SSUH2: variants seen among roughly 807,000 people sequenced by gnomAD.
SSUH2 encodes the protein ssu-2 homolog.
Under a neutral mutation model 55.3 loss-of-function variants are expected in SSUH2, and 47 were observed. The ratio of observed to expected loss-of-function variants is 0.85; its 90% confidence interval spans 0.67 to 1.08. The LOEUF is 1.08. Ranked by LOEUF, SSUH2 falls within the 50% of genes least tolerant of loss-of-function variation. The probability of loss-of-function intolerance (pLI) is 0.00; values close to 1 mark genes in which losing one functional copy is unlikely to be tolerated. For missense variants in SSUH2, 535 were observed against 490.7 expected, an observed-to-expected ratio of 1.09 and a Z score of -0.85; for synonymous variants, 212 against 191.5, an observed-to-expected ratio of 1.11 and a Z score of -0.89.
chr3:8,637,043 C>G (rs1167650698), intron 1 of SSUH2, among the ~76,000 whole-genome samples: 2 of 152,178 alleles, frequency 1.3e-5, no homozygotes, highest in Non-Finnish European at 2.9e-5. Context: ...GTACAAAAGC[C>G]ATATGCATTC....
intron 7 of SSUH2, among the ~76,000 whole-genome samples, chr3:8,654,822 C>T (rs1263885965): frequency 1.3e-5 from 2 of 151,656 alleles, no homozygotes; most frequent in Non-Finnish European, 2.9e-5. Context: ...AGTAGGTGGC[C>T]TCTTCCCCCA....
intron 7 of SSUH2, among the ~76,000 whole-genome samples, chr3:8,654,522 G>T (rs1702736964): frequency 6.6e-6 from 1 of 152,210 alleles, no homozygotes; most frequent in Non-Finnish European, 1.5e-5. Context: ...ACACTGCTGT[G>T]GTTTAAAGAT....
chr3:8,643,749 G>A (rs565586585), intron 1 of SSUH2, among the ~76,000 whole-genome samples: 1 of 152,314 alleles, frequency 6.6e-6, no homozygotes, highest in Non-Finnish European at 1.5e-5. Flanking sequence ...GATCTCTCTG[G>A]ATTCAAATGA....
chr3:8,671,049 C>G, exon 5 of SSUH2: 1 of 397,478 alleles, frequency 2.5e-6, no homozygotes, highest in South Asian at 1.8e-5. Context: ...CGAATAATAT[C>G]AAAGGGTGCA....
intron 1 of SSUH2, among the ~76,000 whole-genome samples, chr3:8,641,734 G>T (rs1225747702): frequency 2.6e-5 from 4 of 152,226 alleles, no homozygotes; most frequent in African/African-American, 9.6e-5. Flanking sequence ...AAAACACTGA[G>T]ATCCCCCGTC....
chr3:8,637,605 A>G (rs1368301256), intron 1 of SSUH2, among the ~76,000 whole-genome samples: 2 of 152,228 alleles, frequency 1.3e-5, no homozygotes, highest in Non-Finnish European at 2.9e-5. Context: ...CCTCTGAAAC[A>G]AGAGGTCTAG....
chr3:8,658,914 A>T (rs1703210514), intron 7 of SSUH2: 1 of 152,250 alleles, frequency 6.6e-6, no homozygotes, highest in African/African-American at 2.4e-5. Context: ...TAACATCAAC[A>T]AAGTACTTAC....
intron 1 of SSUH2, among the ~76,000 whole-genome samples, chr3:8,641,608 C>T (rs371640313): frequency 2.6e-5 from 4 of 152,188 alleles, no homozygotes; most frequent in Admixed American, 2.0e-4. Flanking sequence ...AACCACTATC[C>T]CCCTCCCGAA....
intron 1 of SSUH2, among the ~76,000 whole-genome samples, chr3:8,636,628 C>A (rs935293523): frequency 6.6e-6 from 1 of 152,132 alleles, no homozygotes; most frequent in African/African-American, 2.4e-5. Context: ...CAGACCTGAC[C>A]AAGACTTTCT....
chr3:8,646,159 C>T (rs371364760), upstream of SSUH2, among the ~76,000 whole-genome samples: 43 of 152,230 alleles, frequency 2.8e-4, no homozygotes, highest in African/African-American at 5.8e-4. Context: ...CCTTTCTCTG[C>T]GTGTATATTT....
chr3:8,670,457 G>A (rs781348962), intron 5 of SSUH2, among the ~76,000 whole-genome samples: 46 of 151,968 alleles, frequency 3.0e-4, no homozygotes, highest in Non-Finnish European at 5.3e-4. Flanking sequence ...CACAGCAGGT[G>A]TCCACACATG....
intron 3 of SSUH2, among the ~76,000 whole-genome samples, chr3:8,674,319 C>T (rs531149873): frequency 6.6e-6 from 1 of 152,226 alleles, no homozygotes; most frequent in African/African-American, 2.4e-5. Flanking sequence ...GAACAAATGC[C>T]CTCAGCTCAA....
Position 8,633,658 on chromosome 3 carries a change from C to A in SSUH2, c.339+8G>T. On this transcript the variant is annotated splice_region_variant and intron_variant, in intron 4 of 11. Transcript: ENST00000544814. ...GGCCAAGGCCCCCCACCGGCCCTGG[C>A]CTCTCACCCTGCAGAGGGTCTGCCG... 1 of 1,510,808 alleles carries A rather than the reference C, an allele frequency of 6.6e-7. No individual in the cohort carries two copies. The allele number at this position is 1,510,808 out of a possible 1,614,324, so 93.6% of individuals were successfully genotyped here. A position where few individuals can be genotyped will look rare whatever the true frequency, so the allele number is the denominator to read the frequency against.
chr3:8,627,454 T>A, intron 8 of SSUH2: 1 of 385,496 alleles, frequency 2.6e-6, no homozygotes, highest in Non-Finnish European at 4.6e-6. Flanking sequence ...CTCCCTGCAG[T>A]GGCTCTTTCT....
chr3:8,632,175 G>T (rs1698929155), intron 4 of SSUH2, 66 bp from the exon 5 acceptor site: 3 of 1,401,234 alleles, frequency 2.1e-6, no homozygotes, highest in African/African-American at 2.8e-5. Context: ...TATGCAAAAA[G>T]ATGAAGCTGT....
rs753103522 is a variant in SSUH2 at position 8,644,732 on chromosome 3, G to A, written c.27C>T (p.Asp9=). The A allele has an allele frequency of 3.9e-6, 6 of 1,535,858 alleles. No individual in the cohort carries two copies. In the African/African-American group the frequency reaches 6.8e-5, roughly 18 times the overall value. MDRDLNED[D]SVVDLSFEAE... is the part of the protein sequence containing the mutation. Reference sequence around the variant, plus strand: ...TGCCATCTTTGAGGCTCTACTTACTGTCATCTTCATTCAGATCCCTGTCCA... The same window carrying A: ...TGCCATCTTTGAGGCTCTACTTACTATCATCTTCATTCAGATCCCTGTCCA... The change falls in exon 1 of 12, where the codon GAC becomes GAT. Residue 9 remains aspartate, a splice_region_variant and synonymous_variant. Transcript: ENST00000544814.
Position 8,679,142 on chromosome 3 carries a change from C to CT in SSUH2, c.-901+562_-901+563insA, listed in dbSNP as rs1246487423. Among the ~76,000 whole-genome samples the CT allele has an allele frequency of 1.8e-4, 19 of 106,522 alleles. 5 individuals carry two copies. The highest frequency in any genetic ancestry group is 3.3e-4 in the Non-Finnish European group (15 of 45,560). The allele number at this position is 106,522 out of a possible 152,430, so 69.9% of individuals were successfully genotyped here. The stretch of plus-strand genomic sequence containing the variant: ...ACCCAAATTGCGGGGGGGAGGCACC[C>CT]CCGCGAGGCGGGGACTGAGAGGCAG... On this transcript the variant is annotated intron_variant, in intron 2 of 18. Transcript: ENST00000317371.
intron 3 of SSUH2, among the ~76,000 whole-genome samples, chr3:8,677,029 G>A (rs1472397058): frequency 6.8e-6 from 1 of 147,800 alleles, no homozygotes; most frequent in East Asian, 2.2e-4. Context: ...TCGCGGTGGG[G>A]GGAGGAACCC....
At chr3:8,677,134 A>T (rs1705459853) in intron 3 of SSUH2, 1 of 151,126 alleles carries the variant, frequency 6.6e-6, no homozygotes, top group Non-Finnish European at 1.5e-5. Context: ...CGAGGCAGGG[A>T]CTGAGAGCCA....
Sources: allele counts gnomAD v4.1 joint callset (sites outside exome capture counted in the v4.1 genomes callset), GRCh38; gene constraint gnomAD v4.1.1; transcripts MANE v1.5; gene names NCBI Gene and HGNC (gene_info 2026-07-23, HGNC 2026-07-21).